ZNF496: variants seen among roughly 807,000 people sequenced by gnomAD.
The protein encoded by ZNF496 is NSD1 (nuclear receptor binding SET-domain containing 1)-interacting zinc finger protein 1.
In ZNF496, 11 loss-of-function variants were observed where a neutral mutation model predicts 58.9. The observed-to-expected ratio is 0.19, with a 90% CI of 0.12 to 0.31. ZNF496 has a LOEUF of 0.31. Among genes scored for constraint, ZNF496 ranks in the 10% least tolerant of loss-of-function variants. The pLI is 1.00. For synonymous variants in ZNF496, 338 were observed against 318.2 expected (o/e 1.06, Z -0.66); for missense variants, 660 against 783.0 (o/e 0.84, Z 1.88).
chr1:247,310,193 G>C lies in ZNF496; in HGVS notation c.784+131C>G, dbSNP rs531656380. ...TGCAAATGACCTCCTGTCCAGGTTG[G>C]GGGTGAACAGAGAGATCTGATGCAG... On this transcript the variant is annotated intron_variant, in intron 7 of 9. Transcript: ENST00000682384. 3 of 1,497,434 alleles carry C rather than the reference G, an allele frequency of 2.0e-6. No individual in the cohort carries two copies. In the South Asian group the frequency reaches 4.1e-5, roughly 20 times the overall value. The allele number at this position is 1,497,434 out of a possible 1,614,324, so 92.8% of individuals were successfully genotyped here.
In ZNF496 at chr1:247,317,365, C is replaced by T. The variant is rs75182134; in HGVS notation, c.651+5789G>A. ...AGGACCTGGACAGGGGCAGCCCAGCCAAACAGGTAATAACTGCTCTACTCC... is the reference window on the plus strand; with the variant it reads ...AGGACCTGGACAGGGGCAGCCCAGCTAAACAGGTAATAACTGCTCTACTCC... On this transcript the variant is annotated intron_variant, in intron 6 of 9. Coordinates refer to ENST00000682384, the MANE Select transcript of ZNF496 (RefSeq NM_032752.3). Among the ~76,000 whole-genome samples the T allele has an allele frequency of 1.7e-3, 257 of 152,312 alleles. 5 individuals are homozygous for T. In the East Asian group the frequency reaches 0.041, roughly 24 times the overall value.
In ZNF496 at chr1:247,315,083, A is replaced by T. The variant is rs567019532; in HGVS notation, c.652-4627T>A. ...GTCTTTTTTTTTTTTTTTTTTTTTT[A>T]AAAAAAGCAAAAATATAGAGGGCAG... On this transcript the variant is annotated intron_variant, in intron 6 of 9. Coordinates refer to ENST00000682384, the MANE Select transcript of ZNF496 (RefSeq NM_032752.3). 1.2e-3 allele frequency among the ~76,000 whole-genome samples: 129 copies of T among 104,560 alleles called. 1 individual carries two copies. Among genetic ancestry groups the T allele is most frequent in the African/African-American group, 1.8e-3 (55 of 30,726 alleles). The allele number at this position is 104,560 out of a possible 152,430, so 68.6% of individuals were successfully genotyped here. A position where few individuals can be genotyped will look rare whatever the true frequency, so the allele number is the denominator to read the frequency against.
chr1:247,325,169 G>A (rs1256550952), intron 5 of ZNF496, among the ~76,000 whole-genome samples: 1 of 152,216 alleles, frequency 6.6e-6, no homozygotes, highest in Non-Finnish European at 1.5e-5. Flanking sequence ...GCAGCTGCAG[G>A]AGTGGCTATG....
chr1:247,308,730 C>G lies in ZNF496; in HGVS notation c.893-142G>C, dbSNP rs937738706. ...TGGGGACTGGCAGGGGGTGGCCACT[C>G]AATAAGTGTCTGCTGAGTGAATGAA... On this transcript the variant is annotated intron_variant, in intron 8 of 9. Coordinates refer to ENST00000682384, the MANE Select transcript of ZNF496 (RefSeq NM_032752.3). The surrounding 1 kb of genome is among the most constrained non-coding windows in gnomAD (Gnocchi z 4.5). The G allele has an allele frequency of 1.3e-5, 9 of 687,222 alleles. No individual in the cohort carries two copies. Among genetic ancestry groups the G allele is most frequent in the East Asian group, 2.8e-5 (1 of 36,170 alleles). The allele number at this position is 687,222 out of a possible 1,614,324, so 42.6% of individuals were successfully genotyped here.
chr1:247,307,082 G>C, intron 9 of ZNF496: 3 of 985,022 alleles, frequency 3.0e-6, no homozygotes, highest in Non-Finnish European at 3.6e-6. Context: ...AACAAGAAAA[G>C]ATATTCCACC....
rs918748252 is a variant in ZNF496, at chr1:247,300,986, T to C, written c.1297A>G (p.Lys433Glu). 5.0e-6 allele frequency: 8 copies of C among 1,613,840 alleles called. No homozygotes were observed. Among genetic ancestry groups the C allele is most frequent in the Non-Finnish European group, 6.8e-6 (8 of 1,180,038 alleles). The change falls in exon 10 of 10, where the codon AAG becomes GAG. Residue 433 changes from lysine (K) to glutamate (E), a missense_variant. Coordinates refer to ENST00000682384, the MANE Select transcript of ZNF496 (RefSeq NM_032752.3). The surrounding 1 kb of genome is among the most constrained non-coding windows in gnomAD (Gnocchi z 5.7). ...CCGCACACCGAGCACTCGTGCGGCT[T>C]CTCCTGCTCCCTGCGGCTCCGCAGA... Reference protein sequence around the residue: ...RHLRSRREQEKPHECSVCGEL... With the variant: ...RHLRSRREQEEPHECSVCGEL...
At chr1:247,316,506 G>C (rs953249923) in intron 6 of ZNF496, among the ~76,000 whole-genome samples, 12 of 152,184 alleles carry the variant, frequency 7.9e-5, no homozygotes, top group Non-Finnish European at 1.6e-4. Context: ...AAGCGCGTCA[G>C]GACACTCAGC....
intron 9 of ZNF496, among the ~76,000 whole-genome samples, chr1:247,306,520 T>C (rs891851527): frequency 3.3e-5 from 5 of 151,168 alleles, no homozygotes; most frequent in East Asian, 1.9e-4. Flanking sequence ...TTTTCTTTTT[T>C]TTTTTGGAGA....
Position 247,309,984 on chromosome 1 carries a change from G to A in ZNF496, c.785-178C>T. The A allele has an allele frequency of 1.5e-6, 2 of 1,350,034 alleles. No homozygotes were observed. The highest frequency in any genetic ancestry group is 2.0e-6 in the Non-Finnish European group (2 of 1,020,216). 83.6% of individuals were successfully genotyped at this position (1,350,034 alleles called of 1,614,324 possible). On this transcript the variant is annotated intron_variant, in intron 7 of 9. Coordinates refer to ENST00000682384, the MANE Select transcript of ZNF496 (RefSeq NM_032752.3). This position sits in a 1 kb window ranked among gnomAD's most constrained non-coding sequence, Gnocchi z 4.3. Reference sequence around the variant, plus strand: ...GCAGTGGGGGCAGCACACGCAGGGAGAGCTATGGGCTTGGGGGTCTCTCTG... The same window carrying A: ...GCAGTGGGGGCAGCACACGCAGGGAAAGCTATGGGCTTGGGGGTCTCTCTG...
chr1:247,303,524 G>C (rs1202137871), intron 9 of ZNF496, among the ~76,000 whole-genome samples: 2 of 152,120 alleles, frequency 1.3e-5, no homozygotes, highest in African/African-American at 4.8e-5. Flanking sequence ...GGAAGTGGCT[G>C]GTAGAAATAC....
chr1:247,324,658 A>C (rs1031306478), intron 5 of ZNF496, among the ~76,000 whole-genome samples: 8 of 152,166 alleles, frequency 5.3e-5, no homozygotes, highest in African/African-American at 1.9e-4. Flanking sequence ...ATGCCCAGCT[A>C]AGTAGCTTGG....
chr1:247,320,719 G>T (rs975093364), intron 6 of ZNF496, among the ~76,000 whole-genome samples: 5 of 152,308 alleles, frequency 3.3e-5, no homozygotes, highest in East Asian at 1.9e-4. Flanking sequence ...AAAATGAGAA[G>T]ATTCATTTAA....
At chr1:247,317,163 C>G (rs1441808253) in intron 6 of ZNF496, among the ~76,000 whole-genome samples, 1 of 152,160 alleles carries the variant, frequency 6.6e-6, no homozygotes, top group East Asian at 1.9e-4. Context: ...AAAATGAGCA[C>G]AGGAGACTCT....
At position 247,308,437 on chromosome 1, in the gene ZNF496, C is replaced by T; in HGVS notation, c.1006+38G>A. The T allele has an allele frequency of 6.3e-7, 1 of 1,579,878 alleles. No individual in the cohort carries two copies. The highest frequency in any genetic ancestry group is 1.3e-5 in the African/African-American group (1 of 74,354). On this transcript the variant is annotated intron_variant, in intron 9 of 9. Coordinates refer to ENST00000682384, the MANE Select transcript of ZNF496 (RefSeq NM_032752.3). This position sits in a 1 kb window ranked among gnomAD's most constrained non-coding sequence, Gnocchi z 4.5. Reference sequence around the variant, plus strand: ...ACATTCATGCGACACACCACAGACACACAGGGACAAACCCATACCTCCCTG... The same window carrying T: ...ACATTCATGCGACACACCACAGACATACAGGGACAAACCCATACCTCCCTG...
intron 5 of ZNF496, among the ~76,000 whole-genome samples, chr1:247,327,408 A>T (rs1187135561): frequency 6.6e-6 from 1 of 152,190 alleles, no homozygotes; most frequent in African/African-American, 2.4e-5. Flanking sequence ...TCTTAGTGTT[A>T]ACATTAGGCA....
chr1:247,330,402 G>A (rs1371842789), intron 2 of ZNF496, among the ~76,000 whole-genome samples: 2 of 152,140 alleles, frequency 1.3e-5, no homozygotes, highest in African/African-American at 2.4e-5. Flanking sequence ...CACATTGAAG[G>A]CAACTGCACA....
intron 9 of ZNF496, chr1:247,307,013 G>A: frequency 1.2e-6 from 1 of 855,332 alleles, no homozygotes; most frequent in Non-Finnish European, 1.4e-6. Context: ...AAGTATGAGT[G>A]CAAAAATAAA....
chr1:247,327,324 A>T (rs1660164125), intron 5 of ZNF496, among the ~76,000 whole-genome samples: 1 of 152,176 alleles, frequency 6.6e-6, no homozygotes, highest in South Asian at 2.1e-4. Context: ...TTGGCCTCCC[A>T]AAGTGCTGGG....
chr1:247,331,797 G>C lies in ZNF496; in HGVS notation c.-377C>G, dbSNP rs185949927. The C allele has an allele frequency of 6.7e-6, 1 of 149,100 alleles. No individual in the cohort carries two copies. Among genetic ancestry groups the C allele is most frequent in the Non-Finnish European group, 1.5e-5 (1 of 67,022 alleles). 9.2% of individuals were successfully genotyped at this position (149,100 alleles called of 1,614,324 possible). On this transcript the variant is annotated 5_prime_UTR_variant, in exon 1 of 10. Transcript: ENST00000682384. ...GAGCCGGGGTGCACTCACCGCCGCG[G>C]CGCGTCCCTGTTGGCGGGCGGCGCA...
Sources: gnomAD v4.1 joint callset for allele counts (sites outside exome capture counted in the v4.1 genomes callset) on GRCh38, gnomAD v4.1.1 for gene constraint, Gnocchi (gnomAD v3.1) non-coding constraint, MANE v1.5 for transcripts, NCBI Gene and HGNC (gene_info 2026-07-23, HGNC 2026-07-21) for gene names.